The following RAB30 variants were observed in gnomAD, a reference collection of about 807,000 sequenced individuals.
RAB30 encodes RAB30, member RAS oncogene family.
A neutral mutation model predicts 25.1 loss-of-function variants in RAB30; 9 were observed. The observed-to-expected ratio is 0.36, with a 90% CI of 0.22 to 0.63. The LOEUF is 0.63. RAB30 is among the 20% of genes least tolerant of loss of function. RAB30 has a pLI of 0.69. For synonymous variants in RAB30, 77 were observed against 86.4 expected (o/e 0.89, Z 0.60); for missense variants, 140 against 243.5 (o/e 0.58, Z 2.83).
intron 1 of RAB30, among the ~76,000 whole-genome samples, chr11:83,033,710 T>G (rs937495922): frequency 1.3e-5 from 2 of 152,094 alleles, no homozygotes; most frequent in African/African-American, 4.8e-5. Context: ...CATTCAAAAC[T>G]GAATCCTCTG....
intron 1 of RAB30, among the ~76,000 whole-genome samples, chr11:83,012,308 G>T (rs1037770132): frequency 5.9e-5 from 9 of 152,174 alleles, no homozygotes; most frequent in Non-Finnish European, 1.3e-4. Context: ...CTCCACTGCA[G>T]CCTCTCCAAA....
intron 1 of RAB30, among the ~76,000 whole-genome samples, chr11:83,065,802 C>T (rs767526629): frequency 1.3e-5 from 2 of 152,196 alleles, no homozygotes; most frequent in Non-Finnish European, 2.9e-5. Context: ...AACACATGAT[C>T]TCATCATGTG....
chr11:83,050,757 A>G (rs995114797), intron 1 of RAB30, among the ~76,000 whole-genome samples: 9 of 151,028 alleles, frequency 6.0e-5, no homozygotes, highest in Non-Finnish European at 1.5e-5. Flanking sequence ...TGTATTAGGA[A>G]CCTCATTTTC....
chr11:83,033,014 G>A (rs1857906505), intron 1 of RAB30, among the ~76,000 whole-genome samples: 1 of 150,804 alleles, frequency 6.6e-6, no homozygotes, highest in South Asian at 2.1e-4. Flanking sequence ...TCCAGGGAGA[G>A]GAGTTTCAGC....
chr11:83,012,081 A>T (rs77699564), intron 1 of RAB30, among the ~76,000 whole-genome samples: 132 of 152,280 alleles, frequency 8.7e-4, no homozygotes, highest in African/African-American at 3.0e-3. Flanking sequence ...GAGTCCCTCA[A>T]CACAAACTGA....
intron 3 of RAB30, among the ~76,000 whole-genome samples, chr11:82,993,303 C>T (rs190386207): frequency 1.3e-5 from 2 of 152,318 alleles, no homozygotes; most frequent in Admixed American, 1.3e-4. Flanking sequence ...CCTTCCTATA[C>T]TTATCTATGT....
chr11:83,014,236 T>C (rs1857365938), intron 1 of RAB30, among the ~76,000 whole-genome samples: 1 of 152,014 alleles, frequency 6.6e-6, no homozygotes, highest in Non-Finnish European at 1.5e-5. Flanking sequence ...GTGGGTATAT[T>C]TAAGATGAGA....
intron 1 of RAB30, among the ~76,000 whole-genome samples, chr11:83,021,836 T>C (rs1355006718): frequency 6.6e-6 from 1 of 152,250 alleles, no homozygotes. Context: ...AAAGCATCTG[T>C]CACAGTACCT....
At chr11:83,018,577 A>T (rs1857494523) in intron 1 of RAB30, among the ~76,000 whole-genome samples, 1 of 152,108 alleles carries the variant, frequency 6.6e-6, no homozygotes, top group African/African-American at 2.4e-5. Flanking sequence ...AGTTCCTTGT[A>T]GATTCTGGAT....
At position 83,003,053 on chromosome 11, in the gene RAB30, A is replaced by C. The variant is rs143543942; in HGVS notation, c.-8-5729T>G. Among the ~76,000 whole-genome samples the C allele has an allele frequency of 3.2e-3, 489 of 152,316 alleles. 4 individuals are homozygous for C. Among genetic ancestry groups the C allele is most frequent in the African/African-American group, 0.011 (467 of 41,572 alleles). Reference sequence around the variant, plus strand: ...GGAGGGGCTGGGTAAACAGGCAACAAGGCCCCTTCCCACAACAGCAAGTGT... The same window carrying C: ...GGAGGGGCTGGGTAAACAGGCAACACGGCCCCTTCCCACAACAGCAAGTGT... On this transcript the variant is annotated intron_variant, in intron 1 of 4. Transcript: ENST00000527633.
At chr11:82,987,515 T>C in intron 4 of RAB30, 72 bp downstream of exon 4, 1 of 1,413,572 alleles carries the variant, frequency 7.1e-7, no homozygotes, top group Non-Finnish European at 9.6e-7. Flanking sequence ...GGCACCAATG[T>C]ATAAGCTTTA....
intron 1 of RAB30, among the ~76,000 whole-genome samples, chr11:83,020,852 A>G (rs1348152484): frequency 6.6e-6 from 1 of 151,638 alleles, no homozygotes. Context: ...CACTCACTTT[A>G]TGGCCTCCTC....
At chr11:83,071,528 AGTG>A (rs1858846882) in intron 1 of RAB30, 160 bp downstream of exon 1, 1 of 149,620 alleles carries the variant, frequency 6.7e-6, no homozygotes, top group Non-Finnish European at 1.5e-5. Context: ...TGTTCTTTGC[AGTG>A]ACCCAAATGG....
chr11:83,040,133 A>AG (rs1858074800), intron 1 of RAB30, among the ~76,000 whole-genome samples: 1 of 152,200 alleles, frequency 6.6e-6, no homozygotes, highest in Non-Finnish European at 1.5e-5. Context: ...GCACGTCAAG[A>AG]GGGAATAGGA....
In RAB30 at chr11:82,979,763, T is replaced by C. The variant is rs1856607729; in HGVS notation, c.*2402A>G. On this transcript the variant is annotated 3_prime_UTR_variant, in exon 5 of 5. Transcript: ENST00000527633. ...AAAGAAACAAAGTCCCACATTCTCA[T>C]GTGTTCCTGCTGATGGGCTGTGGAT... The C allele has an allele frequency of 6.6e-6, 1 of 152,186 alleles. No homozygotes were observed. The highest frequency in any genetic ancestry group is 2.4e-5 in the African/African-American group (1 of 41,436). 9.4% of individuals were successfully genotyped at this position (152,186 alleles called of 1,614,324 possible).
chr11:83,058,991 G>A (rs1001354527), intron 1 of RAB30, among the ~76,000 whole-genome samples: 2 of 152,238 alleles, frequency 1.3e-5, no homozygotes, highest in African/African-American at 4.8e-5. Flanking sequence ...CACCCAGGTT[G>A]GAGTGCAATG....
chr11:83,055,029 T>G (rs1452878106), intron 1 of RAB30, among the ~76,000 whole-genome samples: 1 of 152,196 alleles, frequency 6.6e-6, no homozygotes, highest in African/African-American at 2.4e-5. Flanking sequence ...GCGTGTGGCT[T>G]AGTGGACACA....
intron 1 of RAB30, among the ~76,000 whole-genome samples, chr11:83,018,691 G>A (rs1450212626): frequency 1.3e-5 from 2 of 152,108 alleles, no homozygotes; most frequent in Admixed American, 1.3e-4. Flanking sequence ...AAGCTTTTTA[G>A]TTTAATTAGG....
chr11:83,033,539 T>A (rs1488062951), intron 1 of RAB30, among the ~76,000 whole-genome samples: 1 of 152,224 alleles, frequency 6.6e-6, no homozygotes, highest in Non-Finnish European at 1.5e-5. Flanking sequence ...TTACATAATT[T>A]ATCTCACTTA....
Sources: allele counts gnomAD v4.1 joint callset (sites outside exome capture counted in the v4.1 genomes callset), GRCh38; gene constraint gnomAD v4.1.1; transcripts MANE v1.5; gene names NCBI Gene and HGNC (gene_info 2026-07-23, HGNC 2026-07-21).